The following UBXN2B variants were observed in gnomAD, a reference collection of about 807,000 sequenced individuals.
UBXN2B encodes UBX domain-containing protein 2B.
UBXN2B carries 19 observed loss-of-function variants against 37.5 expected under a neutral mutation model. That is an observed-to-expected ratio of 0.51 (90% confidence interval 0.35 to 0.74). UBXN2B has a LOEUF of 0.74. Ranked by LOEUF, UBXN2B falls within the 30% of genes least tolerant of loss-of-function variation. The probability of loss-of-function intolerance (pLI) is 0.01; values close to 1 mark genes in which losing one functional copy is unlikely to be tolerated. For synonymous variants in UBXN2B, 145 were observed against 143.8 expected (o/e 1.01, Z -0.06); for missense variants, 370 against 393.2 (o/e 0.94, Z 0.50).
At chr8:58,423,458 C>T (rs549566216) in intron 2 of UBXN2B, among the ~76,000 whole-genome samples, 39 of 148,964 alleles carry the variant, frequency 2.6e-4, no homozygotes, top group Non-Finnish European at 4.5e-4. Flanking sequence ...TTTTTTGACA[C>T]GGAGTCTTGC....
chr8:58,438,698 T>G (rs190344561), intron 5 of UBXN2B, among the ~76,000 whole-genome samples: 1 of 152,314 alleles, frequency 6.6e-6, no homozygotes, highest in Admixed American at 6.5e-5. Flanking sequence ...ATGGCTTGAA[T>G]CTCAGATGAG....
At chr8:58,445,412 T>C (rs1434139661) in intron 6 of UBXN2B, among the ~76,000 whole-genome samples, 2 of 152,232 alleles carry the variant, frequency 1.3e-5, no homozygotes, top group East Asian at 1.9e-4. Flanking sequence ...GCTGATAATA[T>C]GTTCACAATA....
chr8:58,413,573 A>G (rs1807695828), intron 1 of UBXN2B, among the ~76,000 whole-genome samples: 1 of 152,126 alleles, frequency 6.6e-6, no homozygotes. Flanking sequence ...GTAAAGGGGC[A>G]ACATATTACC....
At chr8:58,437,689 G>C (rs930051349) in intron 5 of UBXN2B, among the ~76,000 whole-genome samples, 1 of 152,006 alleles carries the variant, frequency 6.6e-6, no homozygotes, top group Admixed American at 6.6e-5. Context: ...AACAACCTGT[G>C]GTCAGACATA....
chr8:58,433,127 TG>T, intron 3 of UBXN2B, 32 bp from the exon 4 acceptor site: 1 of 1,502,976 alleles, frequency 6.7e-7, no homozygotes, highest in Non-Finnish European at 9.2e-7. Flanking sequence ...AATAATCCTT[TG>T]TGAATTTTAA....
chr8:58,445,472 C>A (rs1808645941), intron 6 of UBXN2B, among the ~76,000 whole-genome samples: 1 of 152,196 alleles, frequency 6.6e-6, no homozygotes, highest in South Asian at 2.1e-4. Flanking sequence ...TAAGGACTTA[C>A]TGGTATAATA....
intron 6 of UBXN2B, 25 bp downstream of exon 6, chr8:58,439,795 T>A: frequency 6.3e-7 from 1 of 1,575,574 alleles, no homozygotes; most frequent in Non-Finnish European, 8.6e-7. Context: ...ATGAGAAAAA[T>A]ACCTTTGTTG....
intron 2 of UBXN2B, among the ~76,000 whole-genome samples, chr8:58,418,085 A>T (rs1423659523): frequency 6.6e-6 from 1 of 152,062 alleles, no homozygotes; most frequent in African/African-American, 2.4e-5. Flanking sequence ...TCCTAAAAAT[A>T]CAGAAATTAG....
chr8:58,425,204 C>A, intron 2 of UBXN2B: 1 of 986,628 alleles, frequency 1.0e-6, no homozygotes, highest in Non-Finnish European at 1.6e-6. Context: ...GCGGTGCTTT[C>A]TCTGATATTC....
chr8:58,451,115 A>T lies in UBXN2B; in HGVS notation c.*3564A>T, dbSNP rs1211767109. 1 of 152,674 alleles carries T rather than the reference A, an allele frequency of 6.5e-6. No individual in the cohort carries two copies. Among genetic ancestry groups the T allele is most frequent in the Non-Finnish European group, 1.5e-5 (1 of 68,048 alleles). The allele number at this position is 152,674 out of a possible 1,614,324, so 9.5% of individuals were successfully genotyped here. On this transcript the variant is annotated 3_prime_UTR_variant, in exon 8 of 8. Transcript: ENST00000399598. ...AAGGGCATTGTCCTGTTTTGGATTA[A>T]CAAAACAGGAAAAATAACCAATCCT...
intron 6 of UBXN2B, among the ~76,000 whole-genome samples, chr8:58,440,265 A>C (rs1312170824): frequency 1.3e-5 from 2 of 152,252 alleles, no homozygotes; most frequent in East Asian, 3.8e-4. Flanking sequence ...AGATAAAATA[A>C]TGGATACCTT....
In UBXN2B at chr8:58,430,647, C is replaced by G. The variant is rs1808248453; in HGVS notation, c.317C>G (p.Ala106Gly). The change falls in exon 3 of 8, where the codon GCT (alanine) becomes GGT (glycine). Residue 106 changes from alanine to glycine, a missense_variant. This residue lies in a region of UBXN2B where 197 missense variants were observed against 170.2 expected (regional missense o/e 1.16). Transcript: ENST00000399598. Reference sequence around the variant, plus strand: ...GTCCCTCTGAATGAAGCCACAAGAGCTTCAGGTGATGATAAATCTAAGGTC... The same window carrying G: ...GTCCCTCTGAATGAAGCCACAAGAGGTTCAGGTGATGATAAATCTAAGGTC... ...GAVPLNEATR[A>G]SGDDKSKSFT... 6.3e-7 allele frequency: 1 copy of G among 1,575,852 alleles called. No homozygotes were observed. Among genetic ancestry groups the G allele is most frequent in the African/African-American group, 1.4e-5 (1 of 73,676 alleles).
At position 58,449,740 on chromosome 8, in the gene UBXN2B, C is replaced by G. The variant is rs1808762836; in HGVS notation, c.*2189C>G. 1 of 152,232 alleles carries G rather than the reference C, an allele frequency of 6.6e-6. No homozygotes were observed. Among genetic ancestry groups the G allele is most frequent in the African/African-American group, 2.4e-5 (1 of 41,456 alleles). The allele number at this position is 152,232 out of a possible 1,614,324, so 9.4% of individuals were successfully genotyped here. A position where few individuals can be genotyped will look rare whatever the true frequency, so the allele number is the denominator to read the frequency against. On this transcript the variant is annotated 3_prime_UTR_variant, in exon 8 of 8. Transcript: ENST00000399598. The stretch of plus-strand genomic sequence containing the variant: ...CTTCAGCTCACTGCTGTTCTCTGGG[C>G]TTGTTGACTGTCTCAGAGTCATCTT...
At chr8:58,429,322 GCTTC>G (rs557532521) in intron 2 of UBXN2B, among the ~76,000 whole-genome samples, 15 of 152,102 alleles carry the variant, frequency 9.9e-5, no homozygotes, top group Non-Finnish European at 2.1e-4. Context: ...AAAATAATCT[GCTTC>G]TAACACTAAG....
chr8:58,424,691 G>A (rs932474847), intron 2 of UBXN2B: 27 of 1,326,718 alleles, frequency 2.0e-5, no homozygotes, highest in African/African-American at 4.4e-5. Flanking sequence ...ACAAGGCGGG[G>A]GGGGGGGCTC....
chr8:58,435,133 G>A (rs776276894), intron 5 of UBXN2B: 129 of 1,389,664 alleles, frequency 9.3e-5, no homozygotes, highest in Non-Finnish European at 1.1e-4. Context: ...TTTCTAAGTA[G>A]ATATGCAACT....
At chr8:58,429,494 C>G (rs1289717152) in intron 2 of UBXN2B, among the ~76,000 whole-genome samples, 1 of 152,198 alleles carries the variant, frequency 6.6e-6, no homozygotes, top group Non-Finnish European at 1.5e-5. Context: ...AGCCCCACCT[C>G]CACCTTCTGC....
In UBXN2B at chr8:58,434,522, T is replaced by A; in HGVS notation, c.533+18T>A. The A allele has an allele frequency of 6.7e-7, 1 of 1,501,154 alleles. No homozygotes were observed. Among genetic ancestry groups the A allele is most frequent in the African/African-American group, 1.4e-5 (1 of 70,996 alleles). The allele number at this position is 1,501,154 out of a possible 1,614,324, so 93.0% of individuals were successfully genotyped here. On this transcript the variant is annotated intron_variant, in intron 5 of 7. Coordinates refer to ENST00000399598, the MANE Select transcript of UBXN2B (RefSeq NM_001077619.2). ...AAGAGAGGGTAAGATGTATTATTTG[T>A]ATTCTATTTGTTATGTAGAGTGGGA...
chr8:58,415,679 TGTG>T (rs1807758844), intron 1 of UBXN2B, among the ~76,000 whole-genome samples: 1 of 152,078 alleles, frequency 6.6e-6, no homozygotes, highest in Non-Finnish European at 1.5e-5. Context: ...CATTTGAAGA[TGTG>T]GTAACTAAGG....
Sources: gnomAD v4.1 joint callset for allele counts (sites outside exome capture counted in the v4.1 genomes callset) on GRCh38, gnomAD v4.1.1 for gene constraint, gnomAD v4.1.1 regional missense constraint, MANE v1.5 for transcripts, NCBI Gene and HGNC (gene_info 2026-07-23, HGNC 2026-07-21) for gene names.